Variants in WDHD1 observed in about 807,000 individuals in gnomAD.
WDHD1 encodes the protein WD repeat and HMG-box DNA binding protein 1, also known as WD repeat and HMG-box DNA-binding protein 1.
Under a neutral mutation model 135.4 loss-of-function variants are expected in WDHD1, and 111 were observed. The observed-to-expected ratio is 0.82, with a 90% CI of 0.70 to 0.96. WDHD1 has a LOEUF of 0.96. WDHD1 is among the 40% of genes least tolerant of loss of function. The pLI is 0.00. For synonymous variants in WDHD1, 434 were observed against 439.0 expected, an observed-to-expected ratio of 0.99 and a Z score of 0.14; for missense variants, 1,351 against 1,336.3, an observed-to-expected ratio of 1.01 and a Z score of -0.17.
chr14:54,960,234 C>T (rs553850339), intron 21 of WDHD1, among the ~76,000 whole-genome samples: 59 of 152,270 alleles, frequency 3.9e-4, no homozygotes, highest in Middle Eastern at 3.4e-3. Flanking sequence ...GTGGTATGAT[C>T]TCACCTCACT....
At chr14:54,986,598 CAAAAAAGTA>C in intron 14 of WDHD1, among the ~76,000 whole-genome samples, 1 of 151,858 alleles carries the variant, frequency 6.6e-6, no homozygotes, top group South Asian at 2.1e-4. Context: ...ATAGAGCCAA[CAAAAAAGTA>C]AAAAGGGAGC....
intron 9 of WDHD1, 29 bp from the exon 10 acceptor site, chr14:55,000,673 T>C: frequency 6.7e-7 from 1 of 1,495,450 alleles, no homozygotes; most frequent in Non-Finnish European, 8.9e-7. Flanking sequence ...GTTCTAAAAA[T>C]ACTGTCAAGA....
chr14:55,025,394 C>T (rs2042419094), intron 2 of WDHD1, among the ~76,000 whole-genome samples: 1 of 151,472 alleles, frequency 6.6e-6, no homozygotes. Flanking sequence ...TTCCCCGGGT[C>T]CCCTTATTTC....
At chr14:54,990,655 T>C (rs1478831108) in intron 12 of WDHD1, among the ~76,000 whole-genome samples, 1 of 152,072 alleles carries the variant, frequency 6.6e-6, no homozygotes, top group Non-Finnish European at 1.5e-5. Context: ...ATTTTGTCTA[T>C]TCATGAAATA....
chr14:54,946,778 T>C (rs1292824850), intron 24 of WDHD1, among the ~76,000 whole-genome samples: 2 of 152,194 alleles, frequency 1.3e-5, no homozygotes, highest in Non-Finnish European at 2.9e-5. Context: ...GTGTGGTGGC[T>C]CACACCTGTA....
chr14:54,999,481 G>C (rs1465281263), intron 10 of WDHD1, among the ~76,000 whole-genome samples: 1 of 152,146 alleles, frequency 6.6e-6, no homozygotes, highest in Non-Finnish European at 1.5e-5. Flanking sequence ...TGAATCTCTG[G>C]GGATTCAGTG....
At chr14:54,955,758 G>C (rs971743910) in intron 23 of WDHD1, 64 bp from the exon 24 acceptor site, 3 of 1,290,406 alleles carry the variant, frequency 2.3e-6, no homozygotes, top group Non-Finnish European at 3.0e-6. Context: ...TTATAAGCAC[G>C]TTCTGAAAAA....
chr14:55,000,352 G>A (rs1003786184), intron 10 of WDHD1, 151 bp downstream of exon 10: 2 of 769,610 alleles, frequency 2.6e-6, no homozygotes, highest in Admixed American at 8.4e-5. Flanking sequence ...GAACAAGTAA[G>A]AAGTTTTCTT....
Position 54,974,636 on chromosome 14 carries a change from G to A in WDHD1, c.2063+6904C>T, listed in dbSNP as rs575839726. On this transcript the variant is annotated intron_variant, in intron 16 of 25. Transcript: ENST00000360586. ...AGCTCTGGAGATCGAGACCAGCCTG[G>A]GCAACCTGGCGAAACACTGTCTCTA... Among the ~76,000 whole-genome samples the A allele has an allele frequency of 2.6e-5, 4 of 151,982 alleles. No individual in the cohort carries two copies. In the South Asian group the frequency reaches 8.3e-4, roughly 32 times the overall value.
In WDHD1 at chr14:54,995,898, A is replaced by G. The variant is rs2041871155; in HGVS notation, c.943-85T>C. 1.1e-5 allele frequency: 12 copies of G among 1,066,748 alleles called. No individual in the cohort carries two copies. In the South Asian group the frequency reaches 1.8e-4, roughly 16 times the overall value. 66.1% of individuals were successfully genotyped at this position (1,066,748 alleles called of 1,614,324 possible). A position where few individuals can be genotyped will look rare whatever the true frequency, so the allele number is the denominator to read the frequency against. The stretch of plus-strand genomic sequence containing the variant: ...CTAAAAAGGTAAACTTTTAATATGC[A>G]CCTATAAATTCTACCAAGCAGCAAA... On this transcript the variant is annotated intron_variant, in intron 10 of 25. Transcript: ENST00000360586.
Position 55,004,783 on chromosome 14 carries a change from ATGT to A in WDHD1, c.600+2494_600+2496del, listed in dbSNP as rs2042036595. The A allele has an allele frequency of 6.8e-5, 28 of 408,898 alleles. 1 individual carries two copies. The highest frequency in any genetic ancestry group is 4.9e-4 in the South Asian group (27 of 54,574). The allele number at this position is 408,898 out of a possible 1,614,324, so 25.3% of individuals were successfully genotyped here. A position where few individuals can be genotyped will look rare whatever the true frequency, so the allele number is the denominator to read the frequency against. ...TTTATTTTTCATCAACCTTATTTCC[ATGT>A]TGCTTAAGAGCCTGTGCAAGAACAG... On this transcript the variant is annotated intron_variant, in intron 7 of 25. Coordinates refer to ENST00000360586, the MANE Select transcript of WDHD1 (RefSeq NM_007086.4).
At chr14:55,009,624 G>A (rs2042132282) in intron 4 of WDHD1, among the ~76,000 whole-genome samples, 1 of 151,914 alleles carries the variant, frequency 6.6e-6, no homozygotes, top group South Asian at 2.1e-4. Flanking sequence ...TAGAGACGAG[G>A]TTTCACTGTG....
At chr14:54,968,592 TA>T (rs2041382162) in intron 16 of WDHD1, among the ~76,000 whole-genome samples, 1 of 151,966 alleles carries the variant, frequency 6.6e-6, no homozygotes, top group South Asian at 2.1e-4. Context: ...TTTGAAAGGA[TA>T]AACAAGATCG....
chr14:55,010,244 T>A, intron 4 of WDHD1, 65 bp downstream of exon 4: 1 of 1,413,114 alleles, frequency 7.1e-7, no homozygotes, highest in Non-Finnish European at 9.3e-7. Flanking sequence ...AACACTACCC[T>A]GAAACAAATA....
intron 7 of WDHD1, among the ~76,000 whole-genome samples, chr14:55,006,130 C>A (rs1484288323): frequency 6.6e-6 from 1 of 152,140 alleles, no homozygotes; most frequent in Non-Finnish European, 1.5e-5. Context: ...TCCCAAAGTG[C>A]TGGGATTATA....
chr14:54,966,455 A>T lies in WDHD1; in HGVS notation c.2310+20T>A, dbSNP rs753280783. ...AAAAGCATTTAACTTTAACGTTTTCAGTATATTTATTTTACTCACCGCAAG... is the reference window on the plus strand; with the variant it reads ...AAAAGCATTTAACTTTAACGTTTTCTGTATATTTATTTTACTCACCGCAAG... On this transcript the variant is annotated intron_variant, in intron 18 of 25. Transcript: ENST00000360586. 1 of 1,585,234 alleles carries T rather than the reference A, an allele frequency of 6.3e-7. No homozygotes were observed. The highest frequency in any genetic ancestry group is 8.5e-7 in the Non-Finnish European group (1 of 1,172,368).
chr14:54,989,332 G>A, intron 12 of WDHD1, 120 bp from the exon 13 acceptor site: 6 of 695,670 alleles, frequency 8.6e-6, no homozygotes, highest in Non-Finnish European at 1.3e-5. Context: ...TTTAGGTTTT[G>A]GGAGTTACTA....
chr14:54,993,089 A>T (rs1566731707), intron 11 of WDHD1, among the ~76,000 whole-genome samples: 1 of 152,158 alleles, frequency 6.6e-6, no homozygotes, highest in South Asian at 2.1e-4. Flanking sequence ...TCCATTCAAC[A>T]TTCAAGTCAG....
At chr14:54,985,026 C>T (rs1363388028) in intron 14 of WDHD1, among the ~76,000 whole-genome samples, 166 bp from the exon 15 acceptor site, 2 of 152,138 alleles carry the variant, frequency 1.3e-5, no homozygotes, top group African/African-American at 4.8e-5. Context: ...ATTAGAAACA[C>T]AGTAAGATGT....
Sources: gnomAD v4.1 joint callset for allele counts (sites outside exome capture counted in the v4.1 genomes callset) on GRCh38, gnomAD v4.1.1 for gene constraint, MANE v1.5 for transcripts, NCBI Gene and HGNC (gene_info 2026-07-23, HGNC 2026-07-21) for gene names.